PALM2AKAP2: variants seen among roughly 807,000 people sequenced by gnomAD.
The protein encoded by PALM2AKAP2 is PALM2-AKAP2 fusion protein.
In PALM2AKAP2, 37 loss-of-function variants were observed where a neutral mutation model predicts 71.5. The observed-to-expected ratio is 0.52, with a 90% CI of 0.40 to 0.68. PALM2AKAP2 has a LOEUF of 0.68. PALM2AKAP2 is among the 30% of genes least tolerant of loss of function. The pLI is 0.00. For missense variants in PALM2AKAP2, 1,224 were observed against 1,191.8 expected, an observed-to-expected ratio of 1.03 and a Z score of -0.40; for synonymous variants, 468 against 478.8, an observed-to-expected ratio of 0.98 and a Z score of 0.29.
At chr9:109,969,086 G>A (rs530057154) in intron 6 of PALM2AKAP2, among the ~76,000 whole-genome samples, 11 of 53,166 alleles carry the variant, frequency 2.1e-4, no homozygotes, top group East Asian at 8.0e-4. Flanking sequence ...ACAAATGTGC[G>A]TGCACACACA....
At chr9:109,975,083 C>T (rs931753475) in intron 6 of PALM2AKAP2, among the ~76,000 whole-genome samples, 4 of 151,586 alleles carry the variant, frequency 2.6e-5, no homozygotes, top group Non-Finnish European at 5.9e-5. Context: ...CACACACACA[C>T]GTTTGTGTAT....
At chr9:110,004,629 A>C (rs1336948058) in intron 6 of PALM2AKAP2, among the ~76,000 whole-genome samples, 4 of 152,120 alleles carry the variant, frequency 2.6e-5, no homozygotes, top group Non-Finnish European at 5.9e-5. Flanking sequence ...GAGTGTTTTC[A>C]AACTTGGTTC....
upstream of PALM2AKAP2, among the ~76,000 whole-genome samples, chr9:109,776,970 A>T (rs1236732738): frequency 2.6e-5 from 4 of 152,360 alleles, no homozygotes; most frequent in African/African-American, 9.6e-5. Context: ...TTCTAAACCC[A>T]TCCCTAACTC....
At chr9:110,128,255 GC>G (rs1458898400) in intron 1 of PALM2AKAP2, among the ~76,000 whole-genome samples, 1 of 152,176 alleles carries the variant, frequency 6.6e-6, no homozygotes, top group Admixed American at 6.5e-5. Context: ...TCCTGACTTA[GC>G]CAGAAAGTTA....
chr9:109,737,322 G>A (rs1168732032), intron 1 of PALM2AKAP2, among the ~76,000 whole-genome samples: 3 of 152,230 alleles, frequency 2.0e-5, no homozygotes, highest in Admixed American at 2.0e-4. Flanking sequence ...ATGACCCATG[G>A]ATCTATTTGT....
intron 1 of PALM2AKAP2, among the ~76,000 whole-genome samples, chr9:109,822,528 CCT>C (rs1387275823): frequency 6.6e-6 from 1 of 152,180 alleles, no homozygotes; most frequent in Non-Finnish European, 1.5e-5. Flanking sequence ...CCTTTTCCCA[CCT>C]TCTACCCTCA....
chr9:109,869,643 A>T (rs1043392129), intron 2 of PALM2AKAP2, among the ~76,000 whole-genome samples: 1 of 148,310 alleles, frequency 6.7e-6, no homozygotes, highest in Non-Finnish European at 1.5e-5. Context: ...GCATCCATTC[A>T]TCCATCTTTC....
intron 1 of PALM2AKAP2, among the ~76,000 whole-genome samples, chr9:109,783,836 A>G (rs542731392): frequency 6.6e-6 from 1 of 152,352 alleles, no homozygotes; most frequent in East Asian, 1.9e-4. Context: ...CCTTTTGCAC[A>G]TAATTTCTTG....
intron 1 of PALM2AKAP2, among the ~76,000 whole-genome samples, chr9:109,803,557 C>T (rs1192663250): frequency 6.6e-6 from 1 of 152,128 alleles, no homozygotes; most frequent in Non-Finnish European, 1.5e-5. Context: ...GGTGATTTTG[C>T]AAGTAGTAAT....
At chr9:109,721,914 T>C (rs1489367035) in intron 1 of PALM2AKAP2, among the ~76,000 whole-genome samples, 1 of 152,242 alleles carries the variant, frequency 6.6e-6, no homozygotes, top group African/African-American at 2.4e-5. Context: ...TTAGATTTCT[T>C]AAAATGCTAT....
intron 2 of PALM2AKAP2, among the ~76,000 whole-genome samples, chr9:110,154,785 T>C (rs867373774): frequency 2.0e-5 from 3 of 151,986 alleles, no homozygotes; most frequent in Non-Finnish European, 2.9e-5. Context: ...TTCCACCTAA[T>C]CCCCAAGTGT....
intron 1 of PALM2AKAP2, among the ~76,000 whole-genome samples, chr9:109,705,854 A>G (rs1349075349): frequency 6.6e-6 from 1 of 152,216 alleles, no homozygotes; most frequent in East Asian, 1.9e-4. Context: ...TTAAATAGAG[A>G]TAATAAAAGT....
chr9:109,734,054 C>T (rs1828594260), intron 1 of PALM2AKAP2, among the ~76,000 whole-genome samples: 1 of 152,200 alleles, frequency 6.6e-6, no homozygotes. Flanking sequence ...GATGATTTAA[C>T]CTTGACTTAA....
At chr9:110,141,938 A>G (rs185510258) in intron 2 of PALM2AKAP2, among the ~76,000 whole-genome samples, 33 of 151,994 alleles carry the variant, frequency 2.2e-4, no homozygotes, top group African/African-American at 7.2e-4. Context: ...TGGAAATGCT[A>G]TTTGTTTTTG....
At chr9:109,850,622 C>T (rs1388711855) in intron 1 of PALM2AKAP2, among the ~76,000 whole-genome samples, 2 of 152,200 alleles carry the variant, frequency 1.3e-5, no homozygotes, top group South Asian at 2.1e-4. Flanking sequence ...TAGAGTCAAG[C>T]TCTACTTGCC....
intron 1 of PALM2AKAP2, among the ~76,000 whole-genome samples, chr9:109,662,688 G>A (rs1364118036): frequency 1.3e-5 from 2 of 152,170 alleles, no homozygotes. Context: ...CTCATAAAAT[G>A]AGTTAGGGAG....
chr9:110,163,316 C>T (rs1836650103), intron 3 of PALM2AKAP2, among the ~76,000 whole-genome samples: 1 of 152,124 alleles, frequency 6.6e-6, no homozygotes, highest in African/African-American at 2.4e-5. Flanking sequence ...GTCAACAAAA[C>T]AAGTTCCTGA....
chr9:109,953,546 G>A (rs999034223), intron 6 of PALM2AKAP2, among the ~76,000 whole-genome samples: 16 of 152,044 alleles, frequency 1.1e-4, no homozygotes, highest in African/African-American at 3.4e-4. Flanking sequence ...TGTGGAGGCC[G>A]GGCGCTGGAG....
intron 1 of PALM2AKAP2, among the ~76,000 whole-genome samples, chr9:110,098,839 A>G (rs1257858513): frequency 1.3e-5 from 2 of 152,130 alleles, no homozygotes; most frequent in Non-Finnish European, 2.9e-5. Flanking sequence ...GCACCTCCAC[A>G]TTTTCGAAGA....
Sources: gnomAD v4.1 joint callset for allele counts (sites outside exome capture counted in the v4.1 genomes callset) on GRCh38, gnomAD v4.1.1 for gene constraint, MANE v1.5 for transcripts, NCBI Gene and HGNC (gene_info 2026-07-23, HGNC 2026-07-21) for gene names.